PPP1R9A: variants seen among roughly 807,000 people sequenced by gnomAD.
PPP1R9A encodes the protein neurabin-1.
A neutral mutation model predicts 141.9 loss-of-function variants in PPP1R9A; 59 were observed. The observed-to-expected ratio is 0.42, with a 90% CI of 0.34 to 0.52. PPP1R9A has a LOEUF of 0.52. PPP1R9A is among the 20% of genes least tolerant of loss of function. PPP1R9A has a pLI of 0.10. For synonymous variants in PPP1R9A, 500 were observed against 569.7 expected (o/e 0.88, Z 1.74); for missense variants, 1,444 against 1,611.9 (o/e 0.90, Z 1.78).
Position 95,293,190 on chromosome 7 carries a change from G to C in PPP1R9A, c.*2887G>C, listed in dbSNP as rs1806602553. 6.6e-6 allele frequency: 1 copy of C among 152,094 alleles called. No individual in the cohort carries two copies. The highest frequency in any genetic ancestry group is 6.6e-5 in the Admixed American group (1 of 15,252). 9.4% of individuals were successfully genotyped at this position (152,094 alleles called of 1,614,324 possible). ...GAAAGCATTGTATGAGCTGTATCTG[G>C]GTCAGGGTTTCCCATTAAAGGATGT... On this transcript the variant is annotated 3_prime_UTR_variant, in exon 20 of 20. Coordinates refer to ENST00000433360, the MANE Select transcript of PPP1R9A (RefSeq NM_001166160.2).
chr7:95,016,458 A>G lies in PPP1R9A; in HGVS notation c.1396-94801A>G, dbSNP rs146417388. 6.0e-3 allele frequency among the ~76,000 whole-genome samples: 921 copies of G among 152,280 alleles called. 10 individuals carry two copies. Among genetic ancestry groups the G allele is most frequent in the African/African-American group, 0.021 (857 of 41,582 alleles). Reference sequence around the variant, plus strand: ...ATCTATCATGAATGTAAATGCAAGAATCTTAACAGAATATTAGTAAATCAA... The same window carrying G: ...ATCTATCATGAATGTAAATGCAAGAGTCTTAACAGAATATTAGTAAATCAA... On this transcript the variant is annotated intron_variant, in intron 2 of 19. Coordinates refer to ENST00000433360, the MANE Select transcript of PPP1R9A (RefSeq NM_001166160.2).
chr7:95,097,896 A>G (rs113032335), intron 2 of PPP1R9A, among the ~76,000 whole-genome samples: 17 of 152,358 alleles, frequency 1.1e-4, no homozygotes, highest in African/African-American at 4.1e-4. Context: ...GAATTGGTTT[A>G]TGCATATGTT....
chr7:95,262,522 T>C (rs1032383920), intron 12 of PPP1R9A, among the ~76,000 whole-genome samples: 1 of 152,250 alleles, frequency 6.6e-6, no homozygotes, highest in Non-Finnish European at 1.5e-5. Flanking sequence ...CCTATAGTTT[T>C]TTCTGACTGG....
intron 7 of PPP1R9A, among the ~76,000 whole-genome samples, chr7:95,221,081 CAA>C (rs1794384641): frequency 6.6e-6 from 1 of 151,968 alleles, no homozygotes; most frequent in Admixed American, 6.6e-5. Flanking sequence ...TTTATGAGAC[CAA>C]AGTTTAGCAA....
intron 2 of PPP1R9A, among the ~76,000 whole-genome samples, chr7:95,100,876 G>T (rs1319466857): frequency 7.7e-6 from 1 of 130,266 alleles, no homozygotes; most frequent in Admixed American, 8.4e-5. Context: ...TTTTTGAGAC[G>T]GAGTCTCGCT....
At chr7:95,054,364 A>G (rs1277220781) in intron 2 of PPP1R9A, among the ~76,000 whole-genome samples, 1 of 151,658 alleles carries the variant, frequency 6.6e-6, no homozygotes, top group Admixed American at 6.6e-5. Flanking sequence ...ACCTCAAATG[A>G]TCCATCTGCC....
chr7:95,276,596 G>A (rs1226375569), intron 16 of PPP1R9A, among the ~76,000 whole-genome samples: 1 of 152,152 alleles, frequency 6.6e-6, no homozygotes, highest in Non-Finnish European at 1.5e-5. Context: ...ATCTTTTGTA[G>A]TTCCTAAGTG....
chr7:95,065,269 G>A (rs1453155990), intron 2 of PPP1R9A, among the ~76,000 whole-genome samples: 1 of 152,044 alleles, frequency 6.6e-6, no homozygotes, highest in African/African-American at 2.4e-5. Context: ...GTCTTGCTGT[G>A]ATGCCCAGGC....
chr7:94,989,961 T>C (rs1405840), intron 2 of PPP1R9A, among the ~76,000 whole-genome samples: 1,698 of 152,200 alleles, frequency 0.011, 34 homozygotes, highest in African/African-American at 0.039. Context: ...TGATCGAGTA[T>C]AAAATGTGCT....
chr7:95,099,826 A>G (rs1318777876), intron 2 of PPP1R9A, among the ~76,000 whole-genome samples: 1 of 152,182 alleles, frequency 6.6e-6, no homozygotes, highest in Non-Finnish European at 1.5e-5. Flanking sequence ...ATAAAAAAAT[A>G]CTTTTCAAGT....
Position 94,974,394 on chromosome 7 carries a change from A to T in PPP1R9A, c.1395+62886A>T, listed in dbSNP as rs1799203308. The stretch of plus-strand genomic sequence containing the variant: ...GATGAAATGGTAAGTTTAGTTTTGG[A>T]TAAGTTGAGTGTTATCTTTATATAT... On this transcript the variant is annotated intron_variant, in intron 2 of 19. Transcript: ENST00000433360. Among the ~76,000 whole-genome samples the T allele has an allele frequency of 4.6e-5, 7 of 152,306 alleles. No individual in the cohort carries two copies. In the South Asian group the frequency reaches 1.5e-3, roughly 32 times the overall value.
At chr7:95,226,327 C>T (rs1001833304) in intron 8 of PPP1R9A, among the ~76,000 whole-genome samples, 4 of 152,090 alleles carry the variant, frequency 2.6e-5, no homozygotes, top group Non-Finnish European at 5.9e-5. Context: ...TAGTGACATA[C>T]CTGTAGCCCA....
At chr7:95,287,193 C>T (rs1013496899) in intron 18 of PPP1R9A, 158 of 1,570,962 alleles carry the variant, frequency 1.0e-4, no homozygotes, top group Non-Finnish European at 1.3e-4. Context: ...TGTGTTTTTT[C>T]GCTCTTTGGA....
intron 12 of PPP1R9A, among the ~76,000 whole-genome samples, chr7:95,258,793 A>G (rs1285995381): frequency 6.6e-6 from 1 of 152,196 alleles, no homozygotes; most frequent in Non-Finnish European, 1.5e-5. Flanking sequence ...TGGCAAAGAT[A>G]AAGTGTCACA....
intron 2 of PPP1R9A, among the ~76,000 whole-genome samples, chr7:95,021,066 G>T (rs1805878192): frequency 6.6e-6 from 1 of 152,108 alleles, no homozygotes; most frequent in African/African-American, 2.4e-5. Flanking sequence ...TTCCACAATG[G>T]TTGAACTAAT....
At chr7:95,014,971 A>T (rs900768595) in intron 2 of PPP1R9A, among the ~76,000 whole-genome samples, 10 of 152,008 alleles carry the variant, frequency 6.6e-5, no homozygotes, top group Non-Finnish European at 1.2e-4. Context: ...TTTCCTGTTG[A>T]AAAATCTCCA....
At chr7:95,180,863 A>T (rs938460378) in intron 5 of PPP1R9A, among the ~76,000 whole-genome samples, 7 of 152,038 alleles carry the variant, frequency 4.6e-5, no homozygotes, top group African/African-American at 7.2e-5. Context: ...ATCAAAAAAT[A>T]AAAAAACTGA....
chr7:95,155,947 T>C (rs1197597713), intron 4 of PPP1R9A: 3 of 152,236 alleles, frequency 2.0e-5, no homozygotes, highest in Non-Finnish European at 4.4e-5. Context: ...AGAACTTCAC[T>C]ATGCCTAGTG....
At chr7:95,127,186 T>C (rs1216779399) in intron 4 of PPP1R9A, among the ~76,000 whole-genome samples, 1 of 152,236 alleles carries the variant, frequency 6.6e-6, no homozygotes, top group Non-Finnish European at 1.5e-5. Flanking sequence ...TTTCCTCATT[T>C]TTTTAATTAT....
Sources: allele counts gnomAD v4.1 joint callset (sites outside exome capture counted in the v4.1 genomes callset), GRCh38; gene constraint gnomAD v4.1.1; transcripts MANE v1.5; gene names NCBI Gene and HGNC (gene_info 2026-07-23, HGNC 2026-07-21).